TOMM7: variants seen among roughly 807,000 people sequenced by gnomAD.
TOMM7 encodes mitochondrial import receptor subunit TOM7 homolog.
TOMM7 carries 8 observed loss-of-function variants against 9.5 expected under a neutral mutation model. The ratio of observed to expected loss-of-function variants is 0.84; its 90% CI spans 0.49 to 1.51. The LOEUF (loss-of-function observed/expected upper bound fraction) is 1.51, where lower values mean the gene tolerates loss of function less well. Ranked by LOEUF, TOMM7 falls within the 40% of genes most tolerant of loss-of-function variation. TOMM7 has a pLI of 0.00. For missense variants in TOMM7, 74 were observed against 63.7 expected (o/e 1.16, Z -0.55); for synonymous variants, 27 against 21.4 (o/e 1.26, Z -0.72).
intron 1 of TOMM7, chr7:22,822,179 A>AT (rs1250538363): frequency 6.4e-7 from 1 of 1,550,804 alleles, no homozygotes; most frequent in East Asian, 2.4e-5. Flanking sequence ...AGTAATAGAA[A>AT]TCATCCAAAC....
intron 1 of TOMM7, chr7:22,822,434 C>G (rs909145449): frequency 3.4e-5 from 27 of 786,486 alleles, no homozygotes; most frequent in Non-Finnish European, 4.6e-5. Context: ...ATGACCTCCA[C>G]TTTAAGGATG....
chr7:22,821,955 G>C (rs1370658788), intron 1 of TOMM7, among the ~76,000 whole-genome samples: 1 of 152,106 alleles, frequency 6.6e-6, no homozygotes, highest in Non-Finnish European at 1.5e-5. Context: ...AGCCGGGATA[G>C]CGCCACTGCA....
rs1385927851 is a variant in TOMM7, at chr7:22,822,701, A to G, written c.79T>C (p.Phe27Leu). The G allele has an allele frequency of 6.2e-7, 1 of 1,614,154 alleles. No homozygotes were observed. The highest frequency in any genetic ancestry group is 8.5e-7 in the Non-Finnish European group (1 of 1,179,980). ...KGSQFAIRWG[F>L]IPLVIYLGFK... Reference sequence around the variant, plus strand: ...CCCAGGTAAATCACAAGAGGGATAAAGCCCCAGCGAATGGCAAACTGGCTC... The same window carrying G: ...CCCAGGTAAATCACAAGAGGGATAAGGCCCCAGCGAATGGCAAACTGGCTC... Residue 27 changes from phenylalanine to leucine, a missense_variant, in exon 1 of 3, where the codon TTT (phenylalanine) becomes CTT (leucine). Coordinates refer to ENST00000358435, the MANE Select transcript of TOMM7 (RefSeq NM_019059.5).
At chr7:22,822,284 C>G in intron 1 of TOMM7, 1 of 1,548,432 alleles carries the variant, frequency 6.5e-7, no homozygotes. Context: ...TGTCTCGATT[C>G]CCTGAACAGG....
intron 1 of TOMM7, chr7:22,818,477 C>T (rs980527201): frequency 1.3e-5 from 2 of 157,076 alleles, no homozygotes; most frequent in Admixed American, 6.4e-5. Flanking sequence ...GACAGAGTCT[C>T]ACCATGTTGG....
At chr7:22,816,943 T>C (rs1319659003) in intron 2 of TOMM7, among the ~76,000 whole-genome samples, 4 of 152,216 alleles carry the variant, frequency 2.6e-5, no homozygotes, top group Admixed American at 6.5e-5. Context: ...TTCTAGGTGA[T>C]AGTGAATAAC....
chr7:22,818,026 G>A lies in TOMM7; in HGVS notation c.126C>T (p.Pro42=), dbSNP rs141512738. 124 of 1,613,732 alleles carry A rather than the reference G, an allele frequency of 7.7e-5. No homozygotes were observed. Among genetic ancestry groups the A allele is most frequent in the Non-Finnish European group, 9.6e-5 (113 of 1,179,930 alleles). The change falls in exon 2 of 3, where the codon CCC becomes CCT. Residue 42 remains proline (P), a synonymous_variant. Coordinates refer to ENST00000358435, the MANE Select transcript of TOMM7 (RefSeq NM_019059.5). ...IYLGFKRGAD[P]GMPEPTVLSL... ...TCAAAACAGTTGGTTCAGGCATTCC[G>A]GGATCTGCACCCCTCTTAAATCCTG...
chr7:22,815,375 C>G (rs866570966), intron 2 of TOMM7, among the ~76,000 whole-genome samples: 1 of 151,934 alleles, frequency 6.6e-6, no homozygotes, highest in Non-Finnish European at 1.5e-5. Flanking sequence ...GTACAAGATG[C>G]AATGCTTTGT....
At chr7:22,814,695 G>A (rs1441258373) in intron 2 of TOMM7, among the ~76,000 whole-genome samples, 9 of 152,140 alleles carry the variant, frequency 5.9e-5, no homozygotes, top group Non-Finnish European at 8.8e-5. Context: ...TTTTGAATAA[G>A]GCATTCATGT....
At chr7:22,819,607 G>A (rs1182296959) in intron 1 of TOMM7, among the ~76,000 whole-genome samples, 1 of 152,172 alleles carries the variant, frequency 6.6e-6, no homozygotes, top group Non-Finnish European at 1.5e-5. Context: ...CTGACCCCTG[G>A]TAATCCACCC....
intron 1 of TOMM7, 68 bp downstream of exon 1, chr7:22,822,608 CA>C: frequency 4.2e-6 from 6 of 1,432,864 alleles, no homozygotes; most frequent in Middle Eastern, 1.8e-4. Flanking sequence ...CCCCGACGGC[CA>C]AAAATGGGGC....
At chr7:22,815,228 G>T (rs2286504) in intron 2 of TOMM7, among the ~76,000 whole-genome samples, 61,188 of 151,782 alleles carry the variant, frequency 0.4, 13,774 homozygotes, top group East Asian at 0.63. Context: ...GTCGCTGAAG[G>T]TTCAAATCTT....
chr7:22,813,079 T>C lies in TOMM7; in HGVS notation c.*91A>G. 1 of 1,367,338 alleles carries C rather than the reference T, an allele frequency of 7.3e-7. No homozygotes were observed. The highest frequency in any genetic ancestry group is 1.4e-5 in the African/African-American group (1 of 69,914). 84.7% of individuals were successfully genotyped at this position (1,367,338 alleles called of 1,614,324 possible). A position where few individuals can be genotyped will look rare whatever the true frequency, so the allele number is the denominator to read the frequency against. On this transcript the variant is annotated 3_prime_UTR_variant, in exon 3 of 3. Coordinates refer to ENST00000358435, the MANE Select transcript of TOMM7 (RefSeq NM_019059.5). ...AGCCTTGTGCCATCCAACTAGTGACTGAATGATGTCCCATCTCTTATCCGA... is the reference window on the plus strand; with the variant it reads ...AGCCTTGTGCCATCCAACTAGTGACCGAATGATGTCCCATCTCTTATCCGA...
intron 1 of TOMM7, among the ~76,000 whole-genome samples, chr7:22,821,104 G>C (rs1352354891): frequency 6.6e-6 from 1 of 152,182 alleles, no homozygotes; most frequent in Non-Finnish European, 1.5e-5. Flanking sequence ...CCTGAGTGGG[G>C]CAGTAAAATT....
At chr7:22,814,433 C>CACCTGAGCTCAGGAGG (rs1410244985) in intron 2 of TOMM7, among the ~76,000 whole-genome samples, 7 of 151,534 alleles carry the variant, frequency 4.6e-5, no homozygotes, top group Non-Finnish European at 1.0e-4. Flanking sequence ...GTGGGAGGAC[C>CACCTGAGCTCAGGAGG]ACCTGAGCTC....
chr7:22,817,480 C>G (rs1562672771), intron 2 of TOMM7: 1 of 232,158 alleles, frequency 4.3e-6, no homozygotes, highest in Non-Finnish European at 9.3e-6. Context: ...TAGCTTCAAG[C>G]AATCCTCCCA....
chr7:22,813,235 C>A (rs1782271379), intron 2 of TOMM7, 50 bp from the exon 3 acceptor site: 1 of 1,566,912 alleles, frequency 6.4e-7, no homozygotes, highest in South Asian at 1.1e-5. Flanking sequence ...AAATAAAAAT[C>A]TTCTAGACAT....
intron 2 of TOMM7, among the ~76,000 whole-genome samples, chr7:22,817,000 G>C (rs2286502): frequency 6.6e-6 from 1 of 152,054 alleles, no homozygotes; most frequent in Non-Finnish European, 1.5e-5. Context: ...GTAAAAGTTC[G>C]AAGAAAATGA....
At chr7:22,821,405 CAAAA>C (rs76073004) in intron 1 of TOMM7, among the ~76,000 whole-genome samples, 4 of 122,942 alleles carry the variant, frequency 3.3e-5, no homozygotes, top group Admixed American at 8.8e-5. Flanking sequence ...GACCCCGTCT[CAAAA>C]AAAAAAAAAA....
Sources: gnomAD v4.1 joint callset for allele counts (sites outside exome capture counted in the v4.1 genomes callset) on GRCh38, gnomAD v4.1.1 for gene constraint, MANE v1.5 for transcripts, NCBI Gene and HGNC (gene_info 2026-07-23, HGNC 2026-07-21) for gene names.